EPHA5: variants seen among roughly 807,000 people sequenced by gnomAD.
EPHA5 encodes EPH receptor A5.
EPHA5 carries 60 observed loss-of-function variants against 105.0 expected under a neutral mutation model. The ratio of observed to expected loss-of-function variants is 0.57; its 90% CI spans 0.46 to 0.71. The LOEUF (loss-of-function observed/expected upper bound fraction) is 0.71. Ranked by LOEUF, EPHA5 falls within the 30% of genes least tolerant of loss-of-function variation. EPHA5 has a pLI of 0.00. For missense variants in EPHA5, 1,218 were observed against 1,274.7 expected (o/e 0.96, Z 0.68); for synonymous variants, 513 against 449.1 (o/e 1.14, Z -1.80).
At chr4:65,479,475 A>T (rs1204503917) in intron 5 of EPHA5, among the ~76,000 whole-genome samples, 9 of 152,180 alleles carry the variant, frequency 5.9e-5, no homozygotes. Flanking sequence ...TGGTGAAAAA[A>T]ATAGAACTAT....
chr4:65,660,300 T>C (rs1485263907), intron 1 of EPHA5, among the ~76,000 whole-genome samples: 1 of 152,122 alleles, frequency 6.6e-6, no homozygotes, highest in Non-Finnish European at 1.5e-5. Flanking sequence ...ATATTCGATA[T>C]TAAATAATGG....
intron 2 of EPHA5, among the ~76,000 whole-genome samples, chr4:65,638,073 T>A (rs960554836): frequency 1.3e-5 from 2 of 152,148 alleles, no homozygotes; most frequent in African/African-American, 2.4e-5. Context: ...TTTACCAGTA[T>A]AAGAAATAAA....
At chr4:65,399,526 T>C (rs1283008811) in intron 8 of EPHA5, among the ~76,000 whole-genome samples, 1 of 152,242 alleles carries the variant, frequency 6.6e-6, no homozygotes, top group African/African-American at 2.4e-5. Context: ...CTAAGAATCC[T>C]GTGACAAAAT....
chr4:65,576,056 A>C (rs1462755447), intron 3 of EPHA5, among the ~76,000 whole-genome samples: 1 of 70,726 alleles, frequency 1.4e-5, no homozygotes, highest in Non-Finnish European at 2.7e-5. Context: ...GAAAGAAAGA[A>C]AGAAAAGAAA....
chr4:65,559,709 G>A (rs900032474), intron 3 of EPHA5, among the ~76,000 whole-genome samples: 1 of 152,130 alleles, frequency 6.6e-6, no homozygotes, highest in South Asian at 2.1e-4. Flanking sequence ...ATGGGTATTA[G>A]AAGGGCTTCT....
intron 1 of EPHA5, among the ~76,000 whole-genome samples, chr4:65,659,582 C>T (rs150383964): frequency 2.0e-5 from 3 of 152,064 alleles, no homozygotes; most frequent in Non-Finnish European, 2.9e-5. Flanking sequence ...CAAGACCTCA[C>T]ATACATTTTT....
intron 5 of EPHA5, among the ~76,000 whole-genome samples, chr4:65,442,265 A>G (rs1298776279): frequency 6.6e-6 from 1 of 152,144 alleles, no homozygotes; most frequent in Non-Finnish European, 1.5e-5. Context: ...AAGAGCTCTT[A>G]TAAGAAGAGG....
chr4:65,420,796 G>A (rs147892266), intron 5 of EPHA5, among the ~76,000 whole-genome samples: 45 of 151,820 alleles, frequency 3.0e-4, no homozygotes, highest in African/African-American at 1.0e-3. Flanking sequence ...ATTCTATATT[G>A]TTTCCAAGTT....
chr4:65,387,974 C>CTCCCCCT (rs1560482035), intron 8 of EPHA5, among the ~76,000 whole-genome samples: 1 of 83,896 alleles, frequency 1.2e-5, no homozygotes, highest in African/African-American at 4.7e-5. Context: ...CCCCTCCCCC[C>CTCCCCCT]ACCCCACAAC....
At chr4:65,463,666 A>T (rs1458375092) in intron 5 of EPHA5, among the ~76,000 whole-genome samples, 1 of 152,142 alleles carries the variant, frequency 6.6e-6, no homozygotes, top group Non-Finnish European at 1.5e-5. Flanking sequence ...ATTTAAGTAT[A>T]AGTTCATTCA....
intron 12 of EPHA5, among the ~76,000 whole-genome samples, chr4:65,352,454 G>A (rs981208398): frequency 2.0e-5 from 3 of 151,944 alleles, no homozygotes; most frequent in African/African-American, 7.2e-5. Flanking sequence ...TAATAAAGTG[G>A]GTTGCCATTA....
At chr4:65,499,426 T>C (rs140208931) in intron 3 of EPHA5, among the ~76,000 whole-genome samples, 149 of 151,778 alleles carry the variant, frequency 9.8e-4, no homozygotes, top group African/African-American at 3.5e-3. Flanking sequence ...TTCCCAGTTT[T>C]ATTCCACTTT....
In EPHA5 at chr4:65,335,824, A is replaced by G; in HGVS notation, c.2789+108T>C. ...ATATCCAAATAAATTAGTGTCATAT[A>G]GATTCACAGATTAATGTCTATACGA... On this transcript the variant is annotated intron_variant, in intron 15 of 16. Coordinates refer to ENST00000613740, the MANE Select transcript of EPHA5 (RefSeq NM_001281766.3). 4.4e-6 allele frequency: 5 copies of G among 1,139,496 alleles called. No homozygotes were observed. In the South Asian group the frequency reaches 8.6e-5, roughly 20 times the overall value. 70.6% of individuals were successfully genotyped at this position (1,139,496 alleles called of 1,614,324 possible).
chr4:65,567,586 T>G (rs1197934967), intron 3 of EPHA5, among the ~76,000 whole-genome samples: 1 of 151,542 alleles, frequency 6.6e-6, no homozygotes, highest in Admixed American at 6.6e-5. Flanking sequence ...TTATTGAAAA[T>G]GTAATGGAAT....
intron 2 of EPHA5, among the ~76,000 whole-genome samples, chr4:65,606,820 C>G (rs770304209): frequency 1.3e-5 from 2 of 152,214 alleles, no homozygotes; most frequent in Middle Eastern, 3.4e-3. Flanking sequence ...AATAATATTA[C>G]GACCATCTTA....
chr4:65,525,774 C>T (rs4626262), intron 3 of EPHA5, among the ~76,000 whole-genome samples: 114,477 of 151,806 alleles, frequency 0.75, 43,297 homozygotes, highest in East Asian at 0.87. Flanking sequence ...ATAAGAATAA[C>T]AAAATTTATA....
Position 65,659,837 on chromosome 4 carries a change from C to T in EPHA5, c.181+9725G>A, listed in dbSNP as rs547001837. ...AAGCCTTATAAAATTACATTAATAC[C>T]TTTTGAAAATATAAAAATTCAATTA... On this transcript the variant is annotated intron_variant, in intron 1 of 16. Coordinates refer to ENST00000613740, the MANE Select transcript of EPHA5 (RefSeq NM_001281766.3). 3.9e-5 allele frequency among the ~76,000 whole-genome samples: 6 copies of T among 152,138 alleles called. No individual in the cohort carries two copies. In the South Asian group the frequency reaches 1.0e-3, roughly 26 times the overall value.
intron 3 of EPHA5, among the ~76,000 whole-genome samples, chr4:65,549,496 A>C (rs910100632): frequency 5.3e-5 from 8 of 152,282 alleles, no homozygotes; most frequent in South Asian, 4.1e-4. Context: ...TAATAAAAGA[A>C]AGCAATGATA....
At chr4:65,529,080 G>A (rs942780680) in intron 3 of EPHA5, among the ~76,000 whole-genome samples, 1 of 152,036 alleles carries the variant, frequency 6.6e-6, no homozygotes, top group Non-Finnish European at 1.5e-5. Context: ...TCAAAAATTG[G>A]TTGCATAGTG....
Sources: allele counts gnomAD v4.1 joint callset (sites outside exome capture counted in the v4.1 genomes callset), GRCh38; gene constraint gnomAD v4.1.1; transcripts MANE v1.5; gene names NCBI Gene and HGNC (gene_info 2026-07-23, HGNC 2026-07-21).